Variants in AGPAT3 observed in about 807,000 individuals in gnomAD.
AGPAT3 encodes the protein 1-acyl-sn-glycerol-3-phosphate acyltransferase gamma.
Under a neutral mutation model 47.3 loss-of-function variants are expected in AGPAT3, and 5 were observed. That is an observed-to-expected ratio of 0.11 (90% CI 0.06 to 0.22). AGPAT3 has a LOEUF of 0.22. Ranked by LOEUF, AGPAT3 falls within the 10% of genes least tolerant of loss-of-function variation. AGPAT3 has a pLI of 1.00. For synonymous variants in AGPAT3, 212 were observed against 208.3 expected, an observed-to-expected ratio of 1.02 and a Z score of -0.15; for missense variants, 315 against 493.0, an observed-to-expected ratio of 0.64 and a Z score of 3.42.
rs1157057692 is a variant in AGPAT3, at chr21:43,908,798, AGTCCCTC to A, written c.-49+4783_-49+4789del. On this transcript the variant is annotated intron_variant, in intron 2 of 9. Coordinates refer to ENST00000291572, the MANE Select transcript of AGPAT3 (RefSeq NM_020132.5). The surrounding 1 kb of genome is among the most constrained non-coding windows in gnomAD (Gnocchi z 4.9). ...TGGCCTGCCAGCTCCAGGCTGCAAA[AGTCCCTC>A]GTCATTTCATTTCCTTCCATCCCTG... 2.6e-5 allele frequency among the ~76,000 whole-genome samples: 4 copies of A among 152,210 alleles called. No homozygotes were observed. Among genetic ancestry groups the A allele is most frequent in the Non-Finnish European group, 5.9e-5 (4 of 68,042 alleles).
At chr21:43,926,876 G>T (rs1254264042) in intron 2 of AGPAT3, among the ~76,000 whole-genome samples, 1 of 149,948 alleles carries the variant, frequency 6.7e-6, no homozygotes, top group African/African-American at 2.5e-5. Context: ...CAGGAGAATT[G>T]CTTGAACCCG....
intron 5 of AGPAT3, among the ~76,000 whole-genome samples, chr21:43,969,766 C>T (rs544891261): frequency 3.3e-5 from 5 of 152,116 alleles, no homozygotes; most frequent in South Asian, 2.1e-4. Flanking sequence ...GGTGCAATCT[C>T]GGGTCACTGC....
chr21:43,865,960 C>T (rs970865517), intron 1 of AGPAT3, among the ~76,000 whole-genome samples: 1 of 152,018 alleles, frequency 6.6e-6, no homozygotes, highest in Non-Finnish European at 1.5e-5. Context: ...ACCGGCGGCG[C>T]GTTTGCACCG....
intron 7 of AGPAT3, among the ~76,000 whole-genome samples, chr21:43,977,216 A>G (rs2089651168): frequency 6.6e-6 from 1 of 152,238 alleles, no homozygotes; most frequent in Non-Finnish European, 1.5e-5. Context: ...GTGTCCAGAC[A>G]GAAATCAGCT....
chr21:43,977,328 C>A (rs1019344414), intron 7 of AGPAT3, among the ~76,000 whole-genome samples: 8 of 152,206 alleles, frequency 5.3e-5, no homozygotes, highest in Non-Finnish European at 8.8e-5. Flanking sequence ...GAAAGACACT[C>A]TCAGTCATGA....
intron 7 of AGPAT3, among the ~76,000 whole-genome samples, chr21:43,974,222 C>A (rs1323347371): frequency 1.2e-5 from 1 of 84,084 alleles, no homozygotes; most frequent in Non-Finnish European, 2.7e-5. Context: ...TATAAATTAT[C>A]TATGTGTGTA....
chr21:43,916,813 T>C (rs1290708374), intron 2 of AGPAT3, among the ~76,000 whole-genome samples: 1 of 152,208 alleles, frequency 6.6e-6, no homozygotes, highest in Non-Finnish European at 1.5e-5. Context: ...CACAGACGCC[T>C]GCATCTTCCC....
intron 2 of AGPAT3, among the ~76,000 whole-genome samples, chr21:43,914,884 T>C (rs2086695155): frequency 6.6e-6 from 1 of 152,202 alleles, no homozygotes; most frequent in Non-Finnish European, 1.5e-5. Context: ...TTCTTAATTC[T>C]ATAAAATTCT....
chr21:43,985,304 C>T lies in AGPAT3; in HGVS notation c.*2912C>T, dbSNP rs368799069. On this transcript the variant is annotated 3_prime_UTR_variant, in exon 10 of 10. Transcript: ENST00000291572. The stretch of plus-strand genomic sequence containing the variant: ...CCCTATGTGAGGTGCTTTAAGGTCC[C>T]TGTCCTCAGGAAGCGCAGTCTGGTG... 54 of 433,940 alleles carry T rather than the reference C, an allele frequency of 1.2e-4. 1 individual carries two copies. The East Asian group carries it at 1.5e-3, about 12-fold the overall frequency. 26.9% of individuals were successfully genotyped at this position (433,940 alleles called of 1,614,324 possible). A position where few individuals can be genotyped will look rare whatever the true frequency, so the allele number is the denominator to read the frequency against.
At chr21:43,865,973 C>T (rs926721782) in intron 1 of AGPAT3, among the ~76,000 whole-genome samples, 1 of 151,938 alleles carries the variant, frequency 6.6e-6, no homozygotes, top group Admixed American at 6.5e-5. Context: ...TTGCACCGGG[C>T]GGGTCAGGGG....
rs528182089 is a variant in AGPAT3, at chr21:43,922,282, G to T, written c.-49+18263G>T. Among the ~76,000 whole-genome samples the T allele has an allele frequency of 4.6e-5, 7 of 152,258 alleles. No individual in the cohort carries two copies. In the East Asian group the frequency reaches 1.4e-3, roughly 29 times the overall value. Reference sequence around the variant, plus strand: ...GGAGGAGGCTCCTGTTCTTGTGGGGGTGGCGAGGCGAGGATGGTGAACACA... The same window carrying T: ...GGAGGAGGCTCCTGTTCTTGTGGGGTTGGCGAGGCGAGGATGGTGAACACA... On this transcript the variant is annotated intron_variant, in intron 2 of 9. Coordinates refer to ENST00000291572, the MANE Select transcript of AGPAT3 (RefSeq NM_020132.5). The surrounding 1 kb of genome is among the most constrained non-coding windows in gnomAD (Gnocchi z 4.9).
chr21:43,923,346 G>A (rs369334901), intron 2 of AGPAT3, among the ~76,000 whole-genome samples: 3 of 152,308 alleles, frequency 2.0e-5, no homozygotes, highest in African/African-American at 2.4e-5. Flanking sequence ...TTTAATACTC[G>A]TTAGTTTGTC....
At position 43,986,995 on chromosome 21, in the gene AGPAT3, T is replaced by C. The variant is rs149594406; in HGVS notation, c.*4603T>C. ...AGGCCTGGCTGCGTTTGCCGTGCTG[T>C]GCGAGGACCTGTGTACACAGGCAGG... On this transcript the variant is annotated 3_prime_UTR_variant, in exon 10 of 10. Coordinates refer to ENST00000291572, the MANE Select transcript of AGPAT3 (RefSeq NM_020132.5). Among the ~76,000 whole-genome samples, 126 of 152,356 alleles carry C rather than the reference T, an allele frequency of 8.3e-4. No individual in the cohort carries two copies. The East Asian group carries it at 0.012, about 14-fold the overall frequency.
At chr21:43,972,651 G>A (rs1244958302) in intron 7 of AGPAT3, among the ~76,000 whole-genome samples, 3 of 152,168 alleles carry the variant, frequency 2.0e-5, no homozygotes, top group Non-Finnish European at 2.9e-5. Flanking sequence ...CCACCAATCC[G>A]TTGCTGCCCT....
intron 8 of AGPAT3, among the ~76,000 whole-genome samples, chr21:43,978,439 G>A (rs2089706843): frequency 6.6e-6 from 1 of 152,110 alleles, no homozygotes; most frequent in Non-Finnish European, 1.5e-5. Context: ...GGTGGCTGGA[G>A]CTACAGGCGC....
intron 2 of AGPAT3, among the ~76,000 whole-genome samples, chr21:43,956,329 T>C (rs566053196): frequency 6.6e-6 from 1 of 152,332 alleles, no homozygotes; most frequent in Non-Finnish European, 1.5e-5. Context: ...CCTCGCTATC[T>C]GGACTGGCAC....
At chr21:43,902,425 G>A (rs1014634512) in intron 1 of AGPAT3, among the ~76,000 whole-genome samples, 3 of 152,240 alleles carry the variant, frequency 2.0e-5, no homozygotes, top group African/African-American at 7.2e-5. Flanking sequence ...AATTTGGGCT[G>A]CTATAAAAAA....
At chr21:43,907,230 T>C (rs1370126307) in intron 2 of AGPAT3, among the ~76,000 whole-genome samples, 4 of 151,918 alleles carry the variant, frequency 2.6e-5, no homozygotes, top group African/African-American at 7.2e-5. Context: ...GGTTTTGCCA[T>C]GTTGCCCAGG....
rs1026681024 is a variant in AGPAT3 at position 43,970,493 on chromosome 21, G to T, written c.511-160G>T. Among the ~76,000 whole-genome samples, 1 of 152,172 alleles carries T rather than the reference G, an allele frequency of 6.6e-6. No individual in the cohort carries two copies. The highest frequency in any genetic ancestry group is 1.5e-5 in the Non-Finnish European group (1 of 68,046). ...TGCAGACTGTGGCCCTAGAATAAAA[G>T]AACCTTTCAGTCATAACCCATGCTG... On this transcript the variant is annotated intron_variant, in intron 5 of 9. Transcript: ENST00000291572. This position sits in a 1 kb window ranked among gnomAD's most constrained non-coding sequence, Gnocchi z 5.8.
Sources: allele counts gnomAD v4.1 joint callset (sites outside exome capture counted in the v4.1 genomes callset), GRCh38; gene constraint gnomAD v4.1.1; non-coding constraint Gnocchi (gnomAD v3.1); transcripts MANE v1.5; gene names NCBI Gene and HGNC (gene_info 2026-07-23, HGNC 2026-07-21).